The following CNNM4 variants were observed in gnomAD, a reference collection of about 807,000 sequenced individuals.
CNNM4 encodes metal transporter CNNM4.
In CNNM4, 32 loss-of-function variants were observed where a neutral mutation model predicts 53.7. That is an observed-to-expected ratio of 0.60 (90% CI 0.45 to 0.80). The LOEUF (loss-of-function observed/expected upper bound fraction) is 0.80. CNNM4 is among the 30% of genes least tolerant of loss of function. The pLI is 0.00. For synonymous variants in CNNM4, 410 were observed against 440.0 expected (o/e 0.93, Z 0.85); for missense variants, 784 against 1,022.0 (o/e 0.77, Z 3.17).
intron 5 of CNNM4, among the ~76,000 whole-genome samples, chr2:96,805,417 A>AG (rs2079192505): frequency 1.5e-5 from 1 of 68,010 alleles, no homozygotes; most frequent in South Asian, 6.8e-4. Context: ...GCTTCTTTTC[A>AG]GTTTTTTTTT....
chr2:96,806,517 A>G (rs2079207629), intron 5 of CNNM4, among the ~76,000 whole-genome samples: 1 of 138,336 alleles, frequency 7.2e-6, no homozygotes, highest in Admixed American at 7.3e-5. Flanking sequence ...ACACACACAC[A>G]CACACACACA....
At chr2:96,773,068 C>T (rs1445398609) in intron 1 of CNNM4, among the ~76,000 whole-genome samples, 1 of 152,236 alleles carries the variant, frequency 6.6e-6, no homozygotes, top group African/African-American at 2.4e-5. Flanking sequence ...GGCTCGCAAA[C>T]GCCCACATTT....
chr2:96,786,827 AAATGTGGAT>A (rs554384836), intron 1 of CNNM4, among the ~76,000 whole-genome samples: 104 of 151,992 alleles, frequency 6.8e-4, no homozygotes, highest in African/African-American at 2.2e-3. Flanking sequence ...CCATCATCCA[AAATGTGGAT>A]ATTTTGGTGT....
At position 96,762,308 on chromosome 2, in the gene CNNM4, C is replaced by G. The variant is rs768550900; in HGVS notation, c.1309C>G (p.Pro437Ala). 6 of 1,614,026 alleles carry G rather than the reference C, an allele frequency of 3.7e-6. No homozygotes were observed. The highest frequency in any genetic ancestry group is 1.3e-5 in the African/African-American group (1 of 74,898). Residue 437 changes from proline to alanine, a missense_variant, in exon 1 of 7, where the codon CCC becomes GCC. Physicochemically the swap from Pro to Ala is conservative, Grantham distance 27. Coordinates refer to ENST00000377075, the MANE Select transcript of CNNM4 (RefSeq NM_020184.4). ...CTTTGTGGACCCCGATGACTGCACC[C>G]CCCTCAAGACTATCACTCGCTTCTA... ...LAFVDPDDCT[P>A]LKTITRFYNH...
intron 5 of CNNM4, among the ~76,000 whole-genome samples, chr2:96,803,776 C>T (rs971751015): frequency 2.6e-5 from 4 of 151,490 alleles, no homozygotes; most frequent in African/African-American, 9.7e-5. Flanking sequence ...TTGCTTTACT[C>T]ATAAAAGTAA....
At chr2:96,803,336 A>T (rs1217898682) in intron 5 of CNNM4, among the ~76,000 whole-genome samples, 3 of 152,230 alleles carry the variant, frequency 2.0e-5, no homozygotes, top group Admixed American at 6.5e-5. Context: ...CAATACCATG[A>T]TATAAACTTT....
At chr2:96,806,527 A>ACGCGCG (rs1367202120) in intron 5 of CNNM4, among the ~76,000 whole-genome samples, 2 of 142,212 alleles carry the variant, frequency 1.4e-5, no homozygotes, top group African/African-American at 2.7e-5. Context: ...ACACACACAC[A>ACGCGCG]CACACACACG....
intron 1 of CNNM4, among the ~76,000 whole-genome samples, chr2:96,765,364 G>A (rs1230831135): frequency 6.6e-6 from 1 of 151,908 alleles, no homozygotes; most frequent in East Asian, 1.9e-4. Context: ...GACCTCAGGT[G>A]ATCCACCCGC....
chr2:96,784,092 A>C (rs1010222207), intron 1 of CNNM4, among the ~76,000 whole-genome samples: 1 of 152,156 alleles, frequency 6.6e-6, no homozygotes, highest in Non-Finnish European at 1.5e-5. Flanking sequence ...CTCTACGAAA[A>C]TAAAATAAAA....
rs772029041 is a variant in CNNM4 at position 96,809,474 on chromosome 2, G to A, written c.2285G>A (p.Arg762His). The change falls in exon 7 of 7, where the codon CGT becomes CAT. Residue 762 changes from arginine to histidine, a missense_variant. This residue lies in a region of CNNM4 where 307 missense variants were observed against 376.3 expected (regional missense o/e 0.82). Transcript: ENST00000377075. ...VDETTTLLNE[R>H]NSLLHKASHE... is the part of the protein sequence containing the mutation. Reference sequence around the variant, plus strand: ...GAGACCACAACTCTTCTCAACGAGCGTAACTCCTTGCTGCACAAAGCCTCC... The same window carrying A: ...GAGACCACAACTCTTCTCAACGAGCATAACTCCTTGCTGCACAAAGCCTCC... 1.8e-5 allele frequency: 29 copies of A among 1,614,072 alleles called. No individual in the cohort carries two copies. Among genetic ancestry groups the A allele is most frequent in the East Asian group, 2.2e-5 (1 of 44,904 alleles).
At chr2:96,790,450 A>G (rs2079052382) in intron 1 of CNNM4, among the ~76,000 whole-genome samples, 2 of 150,190 alleles carry the variant, frequency 1.3e-5, no homozygotes, top group African/African-American at 4.9e-5. Flanking sequence ...CACCTCCCAG[A>G]TTCAAGCGAT....
Position 96,761,488 on chromosome 2 carries a change from G to A in CNNM4, c.489G>A (p.Trp163Ter). ...AGCCCGACGGGCCCTGGCTGAAGTGGACGGACAAGGACTCACTGCTCTTCA... is the reference window on the plus strand; with the variant it reads ...AGCCCGACGGGCCCTGGCTGAAGTGAACGGACAAGGACTCACTGCTCTTCA... ...RAQPDGPWLK[W>*]TDKDSLLFMV... Residue 163 changes from tryptophan (W) to a stop codon, truncating the protein, a stop_gained, in exon 1 of 7, where the codon TGG becomes TGA. Coordinates refer to ENST00000377075, the MANE Select transcript of CNNM4 (RefSeq NM_020184.4). LOFTEE classifies it high-confidence loss of function. This position sits in a 1 kb window ranked among gnomAD's most constrained non-coding sequence, Gnocchi z 6.0. 5.6e-6 allele frequency: 9 copies of A among 1,614,136 alleles called. No individual in the cohort carries two copies. Among genetic ancestry groups the A allele is most frequent in the African/African-American group, 1.3e-5 (1 of 75,062 alleles).
intron 1 of CNNM4, among the ~76,000 whole-genome samples, chr2:96,771,214 A>G (rs1361840803): frequency 2.6e-5 from 4 of 151,646 alleles, no homozygotes; most frequent in Admixed American, 1.3e-4. Flanking sequence ...CAGAAGCTCC[A>G]TAAAGGGCCC....
Position 96,808,508 on chromosome 2 carries a change from G to T in CNNM4, c.1949-53G>T. ...ATGGGATGAGGTGAGACATGAGGGT[G>T]AGAGTGGGCATCGGAGTGGCCTTTG... On this transcript the variant is annotated intron_variant, in intron 5 of 6. Coordinates refer to ENST00000377075, the MANE Select transcript of CNNM4 (RefSeq NM_020184.4). The surrounding 1 kb of genome is among the most constrained non-coding windows in gnomAD (Gnocchi z 4.9). 1 of 1,588,356 alleles carries T rather than the reference G, an allele frequency of 6.3e-7. No homozygotes were observed. Among genetic ancestry groups the T allele is most frequent in the Non-Finnish European group, 8.6e-7 (1 of 1,157,522 alleles).
chr2:96,801,013 T>G lies in CNNM4; in HGVS notation c.1948+1365T>G. ...GTCAGGTCTGCCTCTGTCCTGTGCC[T>G]GTGGTTCCGTGTCCTGTCTCCTGAC... On this transcript the variant is annotated intron_variant, in intron 5 of 6. Coordinates refer to ENST00000377075, the MANE Select transcript of CNNM4 (RefSeq NM_020184.4). The surrounding 1 kb of genome is among the most constrained non-coding windows in gnomAD (Gnocchi z 5.6). 1.2e-6 allele frequency: 1 copy of G among 820,208 alleles called. No homozygotes were observed. The highest frequency in any genetic ancestry group is 1.5e-6 in the Non-Finnish European group (1 of 679,334). The allele number at this position is 820,208 out of a possible 1,614,324, so 50.8% of individuals were successfully genotyped here. A position where few individuals can be genotyped will look rare whatever the true frequency, so the allele number is the denominator to read the frequency against.
chr2:96,806,535 A>ACACACACG (rs374638753), intron 5 of CNNM4, among the ~76,000 whole-genome samples: 181 of 123,988 alleles, frequency 1.5e-3, no homozygotes, highest in African/African-American at 2.2e-3. Flanking sequence ...ACACACACAC[A>ACACACACG]CGCGCGCGCG....
rs2079111160 is a variant in CNNM4 at position 96,797,138 on chromosome 2, A to G, written c.1529A>G (p.Asp510Gly). The G allele has an allele frequency of 1.2e-6, 2 of 1,614,026 alleles. No individual in the cohort carries two copies. The highest frequency in any genetic ancestry group is 2.7e-5 in the African/African-American group (2 of 74,934). Residue 510 changes from aspartate (D) to glycine (G), a missense_variant, in exon 2 of 7, where the codon GAC (aspartate) becomes GGC (glycine). Around this residue, in one of 3 missense-constraint regions of CNNM4, gnomAD observed 307 missense variants for 376.3 expected, o/e 0.82. Transcript: ENST00000377075. This position sits in a 1 kb window ranked among gnomAD's most constrained non-coding sequence, Gnocchi z 6.0. ...IEEIIKSEILDESDMYTDNRS... is the reference protein window; with the variant it reads ...IEEIIKSEILGESDMYTDNRS... ...GAGATCATCAAGTCGGAGATCCTGG[A>G]CGAGTCCGACATGTACAGTGAGTCC...
In CNNM4 at chr2:96,761,410, G is replaced by C; in HGVS notation, c.411G>C (p.Lys137Asn). 1.1e-5 allele frequency: 18 copies of C among 1,614,108 alleles called. No homozygotes were observed. Among genetic ancestry groups the C allele is most frequent in the Non-Finnish European group, 1.5e-5 (18 of 1,180,030 alleles). ...CCGGCGTGCTGGTGGTGCTCACCAA[G>C]TTCCTCCGGAGGAGCGAGAGCATGA... is the stretch of plus-strand genomic sequence containing the variant. ...NTSGVLVVLT[K>N]FLRRSESMKL... The change falls in exon 1 of 7, where the codon AAG (lysine) becomes AAC (asparagine). Residue 137 changes from lysine (K) to asparagine (N), a missense_variant. Lys to Asn is a moderately conservative substitution (Grantham distance 94, BLOSUM62 0). Coordinates refer to ENST00000377075, the MANE Select transcript of CNNM4 (RefSeq NM_020184.4). This position sits in a 1 kb window ranked among gnomAD's most constrained non-coding sequence, Gnocchi z 6.0.
At position 96,764,166 on chromosome 2, in the gene CNNM4, T is replaced by C. The variant is rs973264729; in HGVS notation, c.1402+1765T>C. 2.0e-5 allele frequency among the ~76,000 whole-genome samples: 3 copies of C among 152,308 alleles called. No individual in the cohort carries two copies. In the South Asian group the frequency reaches 6.2e-4, roughly 32 times the overall value. On this transcript the variant is annotated intron_variant, in intron 1 of 6. Transcript: ENST00000377075. ...TCTGGATCCAACCAGTATGGATTGG[T>C]CTGACCAGTCTCCCAGTCTTGATCA...
Sources: allele counts gnomAD v4.1 joint callset (sites outside exome capture counted in the v4.1 genomes callset), GRCh38; gene constraint gnomAD v4.1.1; regional missense constraint gnomAD v4.1.1; non-coding constraint Gnocchi (gnomAD v3.1); transcripts MANE v1.5; gene names NCBI Gene and HGNC (gene_info 2026-07-23, HGNC 2026-07-21).